TFCP2L1: variants seen among roughly 807,000 people sequenced by gnomAD.
TFCP2L1 encodes transcription factor CP2-like protein 1.
Under a neutral mutation model 72.2 loss-of-function variants are expected in TFCP2L1, and 12 were observed. That is an observed-to-expected ratio of 0.17 (90% CI 0.11 to 0.27). TFCP2L1 has a LOEUF of 0.27. TFCP2L1 is among the 10% of genes least tolerant of loss of function. The pLI is 1.00. For synonymous variants in TFCP2L1, 260 were observed against 251.0 expected (o/e 1.04, Z -0.34); for missense variants, 488 against 624.6 (o/e 0.78, Z 2.33).
chr2:121,273,156 T>C (rs971340216), intron 2 of TFCP2L1, among the ~76,000 whole-genome samples: 2 of 152,212 alleles, frequency 1.3e-5, no homozygotes, highest in African/African-American at 4.8e-5. Flanking sequence ...TTCATTACTA[T>C]ACTTAAGACT....
chr2:121,269,926 T>C (rs1168349793), intron 2 of TFCP2L1, among the ~76,000 whole-genome samples: 1 of 105,346 alleles, frequency 9.5e-6, no homozygotes, highest in African/African-American at 4.7e-5. Flanking sequence ...AAAATATATA[T>C]ATATATATAT....
chr2:121,233,551 C>G (rs999591146), intron 12 of TFCP2L1, among the ~76,000 whole-genome samples: 1 of 152,184 alleles, frequency 6.6e-6, no homozygotes, highest in African/African-American at 2.4e-5. Flanking sequence ...TCCCACCTCC[C>G]CAGGTGCTGG....
intron 2 of TFCP2L1, among the ~76,000 whole-genome samples, chr2:121,250,235 AC>A (rs1213756838): frequency 2.6e-5 from 4 of 152,174 alleles, no homozygotes; most frequent in African/African-American, 9.7e-5. Context: ...TCCATCCATA[AC>A]AACAGAACAT....
intron 11 of TFCP2L1, among the ~76,000 whole-genome samples, chr2:121,234,863 C>T (rs923604531): frequency 6.6e-6 from 1 of 152,228 alleles, no homozygotes; most frequent in Non-Finnish European, 1.5e-5. Flanking sequence ...CCCAAGTCCA[C>T]AGCTCCCCTC....
chr2:121,251,941 T>G (rs1686622393), intron 2 of TFCP2L1, among the ~76,000 whole-genome samples: 1 of 152,244 alleles, frequency 6.6e-6, no homozygotes, highest in Admixed American at 6.5e-5. Flanking sequence ...ATTACTTCTA[T>G]GTATGAATGT....
chr2:121,270,822 T>C (rs544473292), intron 2 of TFCP2L1, among the ~76,000 whole-genome samples: 1 of 151,718 alleles, frequency 6.6e-6, no homozygotes, highest in East Asian at 1.9e-4. Context: ...TGAGCTATGA[T>C]TGTGTCACTG....
rs557625501 is a variant in TFCP2L1 at position 121,282,401 on chromosome 2, C to T, written c.63-1130G>A. Among the ~76,000 whole-genome samples the T allele has an allele frequency of 6.7e-4, 100 of 149,668 alleles. 5 individuals are homozygous for T. The South Asian group carries it at 0.02, about 30-fold the overall frequency. ...CTTGTTTCTGGACGTATTTTTTAAGCCAGGAACAGTGGCTCATGCCTGAAA... is the reference window on the plus strand; with the variant it reads ...CTTGTTTCTGGACGTATTTTTTAAGTCAGGAACAGTGGCTCATGCCTGAAA... On this transcript the variant is annotated intron_variant, in intron 1 of 14. Coordinates refer to ENST00000263707, the MANE Select transcript of TFCP2L1 (RefSeq NM_014553.3).
At chr2:121,260,891 G>C (rs1686819550) in intron 2 of TFCP2L1, among the ~76,000 whole-genome samples, 1 of 152,196 alleles carries the variant, frequency 6.6e-6, no homozygotes. Context: ...AGATTTACAG[G>C]TTGTTTACTT....
At chr2:121,277,583 GA>G (rs1338727060) in intron 2 of TFCP2L1, among the ~76,000 whole-genome samples, 2 of 152,218 alleles carry the variant, frequency 1.3e-5, no homozygotes, top group East Asian at 3.9e-4. Flanking sequence ...CATTTCACAG[GA>G]AGATTTATAT....
chr2:121,251,582 A>T (rs1468361782), intron 2 of TFCP2L1, among the ~76,000 whole-genome samples: 1 of 152,222 alleles, frequency 6.6e-6, no homozygotes, highest in African/African-American at 2.4e-5. Flanking sequence ...TCCATTAGAC[A>T]GGAGGAATAA....
intron 10 of TFCP2L1, 118 bp from the exon 11 acceptor site, chr2:121,235,429 C>A: frequency 2.0e-6 from 2 of 985,188 alleles, no homozygotes; most frequent in East Asian, 2.4e-5. Flanking sequence ...GCCAGCTGCA[C>A]TATCTCACAG....
At chr2:121,236,818 C>T (rs1400787267) in intron 10 of TFCP2L1, among the ~76,000 whole-genome samples, 1 of 152,138 alleles carries the variant, frequency 6.6e-6, no homozygotes, top group Admixed American at 6.5e-5. Flanking sequence ...GCACTCCTCC[C>T]CCACCTCCAC....
chr2:121,248,411 T>C lies in TFCP2L1; in HGVS notation c.398-141A>G, dbSNP rs1346770375. Reference sequence around the variant, plus strand: ...TCTGAAAAAGTTTTGCATAACTTACTGGACGGAAAGCCTGACCTGAACCAC... The same window carrying C: ...TCTGAAAAAGTTTTGCATAACTTACCGGACGGAAAGCCTGACCTGAACCAC... On this transcript the variant is annotated intron_variant, in intron 4 of 14. Transcript: ENST00000263707. The C allele has an allele frequency of 1.5e-5, 10 of 648,530 alleles. No individual in the cohort carries two copies. The South Asian group carries it at 1.6e-4, about 10-fold the overall frequency. The allele number at this position is 648,530 out of a possible 1,614,324, so 40.2% of individuals were successfully genotyped here.
At chr2:121,244,985 C>T (rs1490969794) in intron 6 of TFCP2L1, among the ~76,000 whole-genome samples, 1 of 152,158 alleles carries the variant, frequency 6.6e-6, no homozygotes, top group Non-Finnish European at 1.5e-5. Context: ...TAATGGTTCC[C>T]AAAGATGGCT....
In TFCP2L1 at chr2:121,234,156, T is replaced by C. The variant is rs1686198656; in HGVS notation, c.1133A>G (p.Glu378Gly). The stretch of plus-strand genomic sequence containing the variant: ...CAGGGGCACTCGATTCTGCTCCAGC[T>C]CCTGACAGACATAAATGGTCATCTT... ...RPKMTIYVCQ[E>G]LEQNRVPLQQ... Residue 378 changes from glutamate to glycine, a missense_variant, in exon 12 of 15, where the codon GAG becomes GGG. Around this residue, in one of 3 missense-constraint regions of TFCP2L1, gnomAD observed 286 missense variants for 329.0 expected, o/e 0.87. Transcript: ENST00000263707. 1 of 1,614,042 alleles carries C rather than the reference T, an allele frequency of 6.2e-7. No homozygotes were observed. The highest frequency in any genetic ancestry group is 8.5e-7 in the Non-Finnish European group (1 of 1,180,030).
chr2:121,242,572 G>A (rs1686399332), intron 6 of TFCP2L1, 103 bp from the exon 7 acceptor site: 2 of 1,088,608 alleles, frequency 1.8e-6, no homozygotes, highest in African/African-American at 1.5e-5. Flanking sequence ...AGGGCGCAGG[G>A]AGGAACTCAG....
intron 2 of TFCP2L1, among the ~76,000 whole-genome samples, chr2:121,271,485 C>T (rs1216757039): frequency 2.6e-5 from 4 of 152,020 alleles, no homozygotes; most frequent in Non-Finnish European, 5.9e-5. Flanking sequence ...TTAAGTAATA[C>T]GTTTTAAAGT....
At chr2:121,255,180 C>T (rs1686690028) in intron 2 of TFCP2L1, among the ~76,000 whole-genome samples, 1 of 152,260 alleles carries the variant, frequency 6.6e-6, no homozygotes, top group African/African-American at 2.4e-5. Flanking sequence ...CTCTCAACCT[C>T]TCCTTTCTGG....
intron 8 of TFCP2L1, among the ~76,000 whole-genome samples, chr2:121,238,396 G>C (rs984660703): frequency 1.3e-5 from 2 of 152,314 alleles, no homozygotes; most frequent in East Asian, 3.9e-4. Context: ...TCTCCCGAGA[G>C]GGGGTGCACA....
Sources: gnomAD v4.1 joint callset for allele counts (sites outside exome capture counted in the v4.1 genomes callset) on GRCh38, gnomAD v4.1.1 for gene constraint, gnomAD v4.1.1 regional missense constraint, MANE v1.5 for transcripts, NCBI Gene and HGNC (gene_info 2026-07-23, HGNC 2026-07-21) for gene names.